The following FBP1 variants were observed in gnomAD, a reference collection of about 807,000 sequenced individuals.
The protein encoded by FBP1 is fructose-1,6-bisphosphatase 1.
A neutral mutation model predicts 29.9 loss-of-function variants in FBP1; 22 were observed. The ratio of observed to expected loss-of-function variants is 0.74; its 90% CI spans 0.53 to 1.05. The LOEUF is 1.05. Among genes scored for constraint, FBP1 ranks in the 50% least tolerant of loss-of-function variants. FBP1 has a pLI of 0.00. For synonymous variants in FBP1, 175 were observed against 178.6 expected (o/e 0.98, Z 0.16); for missense variants, 345 against 448.2 (o/e 0.77, Z 2.08).
chr9:94,629,070 C>G (rs377423303), intron 1 of FBP1, among the ~76,000 whole-genome samples: 1 of 152,208 alleles, frequency 6.6e-6, no homozygotes, highest in Non-Finnish European at 1.5e-5. Flanking sequence ...CAACCTCCCC[C>G]TCCCGGGTTC....
chr9:94,614,493 T>C (rs901311737), intron 3 of FBP1, among the ~76,000 whole-genome samples: 4 of 152,070 alleles, frequency 2.6e-5, no homozygotes, highest in African/African-American at 9.7e-5. Context: ...GGAGCTGAGA[T>C]GGCGCCACTG....
At chr9:94,626,033 G>A (rs147904769) in intron 1 of FBP1, among the ~76,000 whole-genome samples, 73 of 152,324 alleles carry the variant, frequency 4.8e-4, no homozygotes, top group Middle Eastern at 3.4e-3. Context: ...CCATGACCCC[G>A]CTGGGTGGTG....
At chr9:94,608,180 C>T (rs1411185902) in intron 4 of FBP1, among the ~76,000 whole-genome samples, 2 of 152,130 alleles carry the variant, frequency 1.3e-5, no homozygotes, top group Non-Finnish European at 2.9e-5. Context: ...CGCTGGAAAC[C>T]CGAGTACAGC....
At chr9:94,637,778 T>G (rs925810579) in intron 1 of FBP1, among the ~76,000 whole-genome samples, 87 of 152,236 alleles carry the variant, frequency 5.7e-4, no homozygotes, top group African/African-American at 2.1e-3. Flanking sequence ...ACACTTCAGT[T>G]AAAAGTGTGG....
At chr9:94,603,724 C>A in intron 6 of FBP1, 152 bp from the exon 7 acceptor site, 1 of 738,670 alleles carries the variant, frequency 1.4e-6, no homozygotes. Flanking sequence ...AAAGTTTCCT[C>A]CCACCCCAGG....
At position 94,606,587 on chromosome 9, in the gene FBP1, G is replaced by A. The variant is rs1415202274; in HGVS notation, c.705+228C>T. ...CCAGTACTGAGGTGAGAACTTCATC[G>A]TGGGCTCAGTGTAGACGGAAGCCCA... On this transcript the variant is annotated intron_variant, in intron 5 of 6. Coordinates refer to ENST00000375326, the MANE Select transcript of FBP1 (RefSeq NM_000507.4). Among the ~76,000 whole-genome samples, 6 of 152,322 alleles carry A rather than the reference G, an allele frequency of 3.9e-5. No individual in the cohort carries two copies. The East Asian group carries it at 5.8e-4, about 15-fold the overall frequency.
rs531474392 is a variant in FBP1 at position 94,639,500 on chromosome 9, C to A, written c.-190G>T. ...TGCCGCCCCGAGTGTCCGCAGCGCT[C>A]GTGGTGCAACTGGGCCAGGCCAGGC... On this transcript the variant is annotated 5_prime_UTR_variant, in exon 1 of 7. Coordinates refer to ENST00000375326, the MANE Select transcript of FBP1 (RefSeq NM_000507.4). 8.8e-6 allele frequency: 6 copies of A among 684,150 alleles called. No individual in the cohort carries two copies. In the African/African-American group the frequency reaches 1.1e-4, roughly 12 times the overall value. 42.4% of individuals were successfully genotyped at this position (684,150 alleles called of 1,614,324 possible).
At position 94,620,417 on chromosome 9, in the gene FBP1, AC is replaced by A; in HGVS notation, c.244del (p.Val82LeufsTer2). 6.2e-7 allele frequency: 1 copy of A among 1,614,192 alleles called. No homozygotes were observed. The highest frequency in any genetic ancestry group is 1.3e-5 in the African/African-American group (1 of 75,058). ...AAAGGATGACTTTAACATGTTCATA[AC>A]CAGGTCGTTGGAGAGGACGTCCAGC... ...KKLDVLSNDL[V>X]MNMLKSSFAT... On this transcript the variant is annotated frameshift_variant, in exon 2 of 7. Transcript: ENST00000375326. LOFTEE classifies it high-confidence loss of function.
chr9:94,611,795 G>C (rs1827790082), intron 3 of FBP1, among the ~76,000 whole-genome samples: 1 of 152,184 alleles, frequency 6.6e-6, no homozygotes, highest in Non-Finnish European at 1.5e-5. Flanking sequence ...CTACAGCCTA[G>C]ACACACTGTC....
rs571233537 is a variant in FBP1, at chr9:94,622,737, C to T, written c.171-2246G>A. On this transcript the variant is annotated intron_variant, in intron 1 of 6. Coordinates refer to ENST00000375326, the MANE Select transcript of FBP1 (RefSeq NM_000507.4). ...ATGAGTAAAAGACCAAGATGTCTAT[C>T]GAGCTTTGAGCTCCACCCCATGTCC... 1.3e-4 allele frequency among the ~76,000 whole-genome samples: 20 copies of T among 152,292 alleles called. No individual in the cohort carries two copies. In the South Asian group the frequency reaches 1.7e-3, roughly 13 times the overall value.
intron 3 of FBP1, among the ~76,000 whole-genome samples, chr9:94,617,037 T>C (rs1012803839): frequency 3.2e-4 from 48 of 152,318 alleles, no homozygotes; most frequent in African/African-American, 1.1e-3. Context: ...CATCCTATGC[T>C]GTGTGCTTTC....
At position 94,610,070 on chromosome 9, in the gene FBP1, A is replaced by C. The variant is rs757609239; in HGVS notation, c.427-9T>G. 6.2e-7 allele frequency: 1 copy of C among 1,613,728 alleles called. No homozygotes were observed. The highest frequency in any genetic ancestry group is 1.7e-5 in the Admixed American group (1 of 59,996). On this transcript the variant is annotated splice_polypyrimidine_tract_variant and intron_variant, in intron 3 of 6. Coordinates refer to ENST00000375326, the MANE Select transcript of FBP1 (RefSeq NM_000507.4). ...GGCTCATCAGTTGATTTCTAGAGCA[A>C]GAAAGAAATCAAAGAATGTTTTTGT...
chr9:94,614,202 A>C, intron 3 of FBP1, among the ~76,000 whole-genome samples: 1 of 76,060 alleles, frequency 1.3e-5, no homozygotes, highest in African/African-American at 5.1e-5. Flanking sequence ...GGGGAGGAGG[A>C]GGGAGGGAGA....
At chr9:94,619,592 C>T (rs1007779496) in intron 2 of FBP1, among the ~76,000 whole-genome samples, 5 of 151,946 alleles carry the variant, frequency 3.3e-5, no homozygotes, top group Admixed American at 6.6e-5. Context: ...GCAGAGATAA[C>T]GCCAGGTGTG....
At chr9:94,631,168 A>G (rs1281891659) in intron 1 of FBP1, among the ~76,000 whole-genome samples, 1 of 152,224 alleles carries the variant, frequency 6.6e-6, no homozygotes, top group African/African-American at 2.4e-5. Flanking sequence ...GTGGAAAAGC[A>G]CCAGGCAGGG....
At chr9:94,634,168 C>A (rs542191980) in intron 1 of FBP1, among the ~76,000 whole-genome samples, 2 of 151,304 alleles carry the variant, frequency 1.3e-5, no homozygotes, top group Non-Finnish European at 1.5e-5. Context: ...TGGTGGTGGG[C>A]GCCTGTAATC....
chr9:94,624,782 A>G (rs969995822), intron 1 of FBP1, among the ~76,000 whole-genome samples: 2 of 152,192 alleles, frequency 1.3e-5, no homozygotes, highest in Non-Finnish European at 2.9e-5. Flanking sequence ...CAGTAAGTAC[A>G]TTTTTCACAT....
chr9:94,611,296 T>G (rs1179239896), intron 3 of FBP1, among the ~76,000 whole-genome samples: 1 of 152,190 alleles, frequency 6.6e-6, no homozygotes, highest in Non-Finnish European at 1.5e-5. Context: ...TCACTTATTC[T>G]TTTCCTAGAT....
intron 1 of FBP1, among the ~76,000 whole-genome samples, chr9:94,628,223 T>C (rs574375306): frequency 6.6e-6 from 1 of 152,166 alleles, no homozygotes; most frequent in Admixed American, 6.5e-5. Flanking sequence ...CCACCTCTAC[T>C]AAAAATACAA....
Sources: gnomAD v4.1 joint callset for allele counts (sites outside exome capture counted in the v4.1 genomes callset) on GRCh38, gnomAD v4.1.1 for gene constraint, MANE v1.5 for transcripts, NCBI Gene and HGNC (gene_info 2026-07-23, HGNC 2026-07-21) for gene names.